The following KIRREL3 variants were observed in gnomAD, a reference collection of about 807,000 sequenced individuals.
KIRREL3 encodes kin of IRRE-like protein 3.
A neutral mutation model predicts 89.7 loss-of-function variants in KIRREL3; 36 were observed. The observed-to-expected ratio is 0.40, with a 90% CI of 0.31 to 0.53. The LOEUF is 0.53. KIRREL3 is among the 20% of genes least tolerant of loss of function. KIRREL3 has a pLI of 0.49. For synonymous variants in KIRREL3, 445 were observed against 441.4 expected (o/e 1.01, Z -0.10); for missense variants, 864 against 1,056.6 (o/e 0.82, Z 2.53).
Position 126,562,884 on chromosome 11 carries a change from A to C in KIRREL3, c.84T>G (p.Cys28Trp). Residue 28 changes from cysteine (C) to tryptophan (W), a missense_variant, in exon 2 of 17, where the codon TGT (cysteine) becomes TGG (tryptophan). By Grantham distance (215) the Cys-to-Trp change is radical. Transcript: ENST00000525144. This position sits in a 1 kb window ranked among gnomAD's most constrained non-coding sequence, Gnocchi z 4.7. ...CCTTGGCCATGTAGCCCAGCACCAG[A>C]CAGCATCCTCTCTTCTGGAGGCCCA... ...QELGLQKRGC[C>W]LVLGYMAKDK... The C allele has an allele frequency of 6.2e-7, 1 of 1,613,806 alleles. No homozygotes were observed. Among genetic ancestry groups the C allele is most frequent in the East Asian group, 2.2e-5 (1 of 44,878 alleles).
At chr11:126,592,739 G>T (rs1245862090) in intron 1 of KIRREL3, among the ~76,000 whole-genome samples, 1 of 152,198 alleles carries the variant, frequency 6.6e-6, no homozygotes, top group African/African-American at 2.4e-5. Context: ...TGGGGAAGAT[G>T]TGAGTTTGGC....
intron 1 of KIRREL3, among the ~76,000 whole-genome samples, chr11:126,838,387 T>A (rs1943848983): frequency 2.6e-5 from 4 of 152,200 alleles, no homozygotes; most frequent in Non-Finnish European, 5.9e-5. Flanking sequence ...GCACCTTCTA[T>A]AACATTTCTA....
At chr11:126,586,086 A>G (rs1386388880) in intron 1 of KIRREL3, among the ~76,000 whole-genome samples, 1 of 152,124 alleles carries the variant, frequency 6.6e-6, no homozygotes, top group Non-Finnish European at 1.5e-5. Context: ...CGCATTACTC[A>G]GCCACAGGAT....
intron 1 of KIRREL3, among the ~76,000 whole-genome samples, chr11:126,716,206 C>T (rs755354574): frequency 5.3e-5 from 8 of 151,296 alleles, no homozygotes; most frequent in South Asian, 2.1e-4. Context: ...GAGAGGGAGG[C>T]GGAGGAAGAA....
rs78713127 is a variant in KIRREL3, at chr11:126,924,814, T to G, written c.55+75641A>C. Among the ~76,000 whole-genome samples, 332 of 152,238 alleles carry G rather than the reference T, an allele frequency of 2.2e-3. 1 individual carries two copies. The highest frequency in any genetic ancestry group is 4.0e-3 in the Non-Finnish European group (275 of 68,016). ...ATCAACACCCTCACCTCAACCCTCC[T>G]GGTTAGCCTCTCTGATGTTGAGAAT... On this transcript the variant is annotated intron_variant, in intron 1 of 16. Coordinates refer to ENST00000525144, the MANE Select transcript of KIRREL3 (RefSeq NM_032531.4). This position sits in a 1 kb window ranked among gnomAD's most constrained non-coding sequence, Gnocchi z 4.7.
intron 1 of KIRREL3, among the ~76,000 whole-genome samples, chr11:126,599,477 T>G (rs1321646078): frequency 1.3e-5 from 2 of 152,196 alleles, no homozygotes; most frequent in Non-Finnish European, 2.9e-5. Flanking sequence ...CTAGCTCCCC[T>G]GTGCGGGTCT....
At chr11:126,593,535 C>T (rs960848622) in intron 1 of KIRREL3, among the ~76,000 whole-genome samples, 5 of 152,180 alleles carry the variant, frequency 3.3e-5, no homozygotes, top group African/African-American at 1.2e-4. Context: ...CAATGAACAC[C>T]CGGCTGGACC....
chr11:126,541,363 C>T lies in KIRREL3; in HGVS notation c.134-14676G>A, dbSNP rs1485749588. ...AAGCGCCTTCCTCCCAACCCTAATGCTTGATGTTCTAACTTATCCAAAATC... is the reference window on the plus strand; with the variant it reads ...AAGCGCCTTCCTCCCAACCCTAATGTTTGATGTTCTAACTTATCCAAAATC... On this transcript the variant is annotated intron_variant, in intron 2 of 16. Coordinates refer to ENST00000525144, the MANE Select transcript of KIRREL3 (RefSeq NM_032531.4). This position sits in a 1 kb window ranked among gnomAD's most constrained non-coding sequence, Gnocchi z 4.8. Among the ~76,000 whole-genome samples, 2 of 152,106 alleles carry T rather than the reference C, an allele frequency of 1.3e-5. No homozygotes were observed. Among genetic ancestry groups the T allele is most frequent in the African/African-American group, 4.8e-5 (2 of 41,410 alleles).
chr11:126,629,050 T>A (rs1156410418), intron 1 of KIRREL3, among the ~76,000 whole-genome samples: 1 of 152,196 alleles, frequency 6.6e-6, no homozygotes, highest in Non-Finnish European at 1.5e-5. Context: ...GTCTTTTTAG[T>A]TTTCCTCTTC....
rs982281759 is a variant in KIRREL3 at position 126,620,730 on chromosome 11, G to C, written c.56-57818C>G. Reference sequence around the variant, plus strand: ...TCTTCAATGCTTTTATAGGTCTCTTGATCTCTTCTTCCTGCCTCATACCCC... The same window carrying C: ...TCTTCAATGCTTTTATAGGTCTCTTCATCTCTTCTTCCTGCCTCATACCCC... On this transcript the variant is annotated intron_variant, in intron 1 of 16. Coordinates refer to ENST00000525144, the MANE Select transcript of KIRREL3 (RefSeq NM_032531.4). This position sits in a 1 kb window ranked among gnomAD's most constrained non-coding sequence, Gnocchi z 4.8. 6.6e-5 allele frequency among the ~76,000 whole-genome samples: 10 copies of C among 152,128 alleles called. No homozygotes were observed. The highest frequency in any genetic ancestry group is 2.2e-4 in the African/African-American group (9 of 41,424).
intron 1 of KIRREL3, among the ~76,000 whole-genome samples, chr11:126,986,745 C>A (rs1461527477): frequency 1.3e-5 from 2 of 152,148 alleles, no homozygotes; most frequent in Non-Finnish European, 2.9e-5. Flanking sequence ...CTTCTTATGC[C>A]CAGGACAGAT....
At chr11:126,741,294 T>C (rs962437952) in intron 1 of KIRREL3, among the ~76,000 whole-genome samples, 1 of 152,204 alleles carries the variant, frequency 6.6e-6, no homozygotes, top group South Asian at 2.1e-4. Flanking sequence ...GATATTAATA[T>C]GCATATAATT....
intron 2 of KIRREL3, among the ~76,000 whole-genome samples, chr11:126,546,635 T>C (rs1048751052): frequency 5.9e-5 from 9 of 152,264 alleles, no homozygotes; most frequent in Admixed American, 3.9e-4. Flanking sequence ...ATCATAAATA[T>C]GGATGAAGAC....
chr11:126,457,880 G>C (rs866448854), intron 6 of KIRREL3, among the ~76,000 whole-genome samples: 1 of 152,144 alleles, frequency 6.6e-6, no homozygotes, highest in African/African-American at 2.4e-5. Context: ...GAAACAGCTC[G>C]AGGGGGCTGC....
chr11:126,464,559 GAA>G (rs1956659094), intron 5 of KIRREL3, among the ~76,000 whole-genome samples: 4 of 151,450 alleles, frequency 2.6e-5, no homozygotes, highest in African/African-American at 9.7e-5. Context: ...AAAAGAAAAA[GAA>G]GAAGGAGAAG....
Position 126,587,162 on chromosome 11 carries a change from TGGCAGTTCTTG to T in KIRREL3, c.56-24261_56-24251del, listed in dbSNP as rs779782236. 5.7e-4 allele frequency among the ~76,000 whole-genome samples: 87 copies of T among 152,058 alleles called. No individual in the cohort carries two copies. Among genetic ancestry groups the T allele is most frequent in the Non-Finnish European group, 1.1e-3 (72 of 68,002 alleles). ...TGTAGGGAGAGCCACTCACCAGACA[TGGCAGTTCTTG>T]GAAAATGTCCACTGGGGACATGACA... On this transcript the variant is annotated intron_variant, in intron 1 of 16. Coordinates refer to ENST00000525144, the MANE Select transcript of KIRREL3 (RefSeq NM_032531.4). This position sits in a 1 kb window ranked among gnomAD's most constrained non-coding sequence, Gnocchi z 5.2.
chr11:126,673,588 C>A (rs538550483), intron 1 of KIRREL3, among the ~76,000 whole-genome samples: 2 of 152,318 alleles, frequency 1.3e-5, no homozygotes, highest in Admixed American at 1.3e-4. Flanking sequence ...CACTCACCAC[C>A]ACAGTCAGGG....
At position 126,568,685 on chromosome 11, in the gene KIRREL3, A is replaced by G. The variant is rs1038505427; in HGVS notation, c.56-5773T>C. 3.3e-5 allele frequency among the ~76,000 whole-genome samples: 5 copies of G among 152,194 alleles called. No individual in the cohort carries two copies. The highest frequency in any genetic ancestry group is 2.9e-5 in the Non-Finnish European group (2 of 68,036). Reference sequence around the variant, plus strand: ...TCTGAGCTTTGGTTTCCTCATTTATAAAACGTTGATTCTAACGGTAAGACC... The same window carrying G: ...TCTGAGCTTTGGTTTCCTCATTTATGAAACGTTGATTCTAACGGTAAGACC... On this transcript the variant is annotated intron_variant, in intron 1 of 16. Transcript: ENST00000525144. The surrounding 1 kb of genome is among the most constrained non-coding windows in gnomAD (Gnocchi z 4.6).
At chr11:126,790,029 A>G (rs7114769) in intron 1 of KIRREL3, among the ~76,000 whole-genome samples, 1 of 152,130 alleles carries the variant, frequency 6.6e-6, no homozygotes, top group East Asian at 1.9e-4. Flanking sequence ...TATTCTCCCC[A>G]CACCACATCC....
Sources: gnomAD v4.1 joint callset for allele counts (sites outside exome capture counted in the v4.1 genomes callset) on GRCh38, gnomAD v4.1.1 for gene constraint, Gnocchi (gnomAD v3.1) non-coding constraint, MANE v1.5 for transcripts, NCBI Gene and HGNC (gene_info 2026-07-23, HGNC 2026-07-21) for gene names.